Variants in ZBTB8OS observed in about 807,000 individuals in gnomAD.
ZBTB8OS encodes the protein tRNA splicing ligase complex subunit 1.
In ZBTB8OS, 16 loss-of-function variants were observed where a neutral mutation model predicts 29.3. The ratio of observed to expected loss-of-function variants is 0.55; its 90% CI spans 0.37 to 0.83. ZBTB8OS has a LOEUF of 0.83. Among genes scored for constraint, ZBTB8OS ranks in the 40% least tolerant of loss-of-function variants. The pLI is 0.00. For synonymous variants in ZBTB8OS, 70 were observed against 64.6 expected, an observed-to-expected ratio of 1.08 and a Z score of -0.40; for missense variants, 160 against 196.9, an observed-to-expected ratio of 0.81 and a Z score of 1.12.
At chr1:32,636,785 A>G (rs1646001757) in intron 1 of ZBTB8OS, among the ~76,000 whole-genome samples, 2 of 151,962 alleles carry the variant, frequency 1.3e-5, no homozygotes, top group South Asian at 4.1e-4. Flanking sequence ...TGCCTGAGAA[A>G]GAGCATCATG....
chr1:32,650,010 GT>G (rs1266368207), intron 1 of ZBTB8OS, among the ~76,000 whole-genome samples: 2 of 152,164 alleles, frequency 1.3e-5, no homozygotes, highest in South Asian at 4.2e-4. Context: ...GCAAAACCAG[GT>G]TTTTTGCTAA....
chr1:32,647,266 C>CAAAAA (rs71006348), intron 1 of ZBTB8OS, among the ~76,000 whole-genome samples: 3,921 of 133,970 alleles, frequency 0.029, 93 homozygotes, highest in East Asian at 0.11. Flanking sequence ...TACTCTGTCT[C>CAAAAA]AAAAAAAAAA....
chr1:32,645,919 G>A (rs751896639), intron 1 of ZBTB8OS, among the ~76,000 whole-genome samples: 16 of 152,176 alleles, frequency 1.1e-4, no homozygotes, highest in Non-Finnish European at 2.1e-4. Flanking sequence ...CAGGAATACA[G>A]AGATTACATT....
upstream of ZBTB8OS, chr1:32,650,931 C>T (rs926576152): frequency 2.8e-5 from 13 of 470,990 alleles, no homozygotes; most frequent in South Asian, 2.5e-4. Context: ...AAGAAAATGG[C>T]TGCCCTCTTG....
chr1:32,649,633 AACACAC>A (rs962422171), intron 1 of ZBTB8OS, among the ~76,000 whole-genome samples: 1 of 54,120 alleles, frequency 1.8e-5, no homozygotes, highest in East Asian at 8.5e-4. Context: ...CATCTCTAAA[AACACAC>A]ACACACACAC....
chr1:32,634,883 A>G, intron 1 of ZBTB8OS, 91 bp from the exon 2 acceptor site: 1 of 916,150 alleles, frequency 1.1e-6, no homozygotes, highest in Non-Finnish European at 1.8e-6. Flanking sequence ...ATTATTAGGA[A>G]TATCATCTTT....
At chr1:32,631,806 T>C (rs779700868) in intron 5 of ZBTB8OS, 21 bp downstream of exon 5, 3 of 1,557,054 alleles carry the variant, frequency 1.9e-6, no homozygotes, top group Non-Finnish European at 2.6e-6. Flanking sequence ...ACTCGGTACT[T>C]AAAAGACTTT....
intron 4 of ZBTB8OS, chr1:32,633,223 C>T (rs1339581256): frequency 6.5e-6 from 1 of 153,956 alleles, no homozygotes; most frequent in African/African-American, 2.4e-5. Context: ...ACTTGGGAAA[C>T]ATAAAAAGTG....
At chr1:32,623,698 C>T (rs912758945) in intron 6 of ZBTB8OS, among the ~76,000 whole-genome samples, 2 of 152,102 alleles carry the variant, frequency 1.3e-5, no homozygotes, top group African/African-American at 4.8e-5. Context: ...CACCTTCACT[C>T]TCAGCTCCAG....
At chr1:32,631,085 G>A (rs546084146) in intron 5 of ZBTB8OS, among the ~76,000 whole-genome samples, 173 of 152,160 alleles carry the variant, frequency 1.1e-3, no homozygotes, top group African/African-American at 4.0e-3. Flanking sequence ...GCCAGGCACA[G>A]TGGCTCATGC....
chr1:32,648,285 A>G (rs1292229414), intron 1 of ZBTB8OS, among the ~76,000 whole-genome samples: 1 of 152,242 alleles, frequency 6.6e-6, no homozygotes, highest in East Asian at 1.9e-4. Flanking sequence ...ACTCCTATAG[A>G]GAGCAATTTG....
Position 32,633,968 on chromosome 1 carries a change from A to T in ZBTB8OS, c.227T>A (p.Val76Glu), listed in dbSNP as rs1645761736. Residue 76 changes from valine to glutamate, a missense_variant, in exon 3 of 7, where the codon GTA becomes GAA. Transcript: ENST00000468695. ...DTGTVEPLQTVEVETQGDDLQ... is the reference protein window; with the variant it reads ...DTGTVEPLQTEEVETQGDDLQ... ...TCATTTACCTTGGGTTTCTACTTCTACTGTTTGGAGGGGCTCCACTGTCCC... is the reference window on the plus strand; with the variant it reads ...TCATTTACCTTGGGTTTCTACTTCTTCTGTTTGGAGGGGCTCCACTGTCCC... The T allele has an allele frequency of 1.3e-6, 2 of 1,585,162 alleles. No homozygotes were observed. Among genetic ancestry groups the T allele is most frequent in the Non-Finnish European group, 8.5e-7 (1 of 1,172,190 alleles).
intron 6 of ZBTB8OS, among the ~76,000 whole-genome samples, chr1:32,622,367 A>C (rs1302171408): frequency 6.6e-6 from 1 of 152,258 alleles, no homozygotes; most frequent in East Asian, 1.9e-4. Context: ...TGTGACACAC[A>C]TACACCATAG....
intron 4 of ZBTB8OS, 54 bp from the exon 5 acceptor site, chr1:32,631,933 C>T: frequency 1.2e-6 from 1 of 823,434 alleles, no homozygotes; most frequent in Non-Finnish European, 1.7e-6. Context: ...AGACTATCTA[C>T]TAAAAATCTT....
At chr1:32,647,436 C>CA (rs71006349) in intron 1 of ZBTB8OS, among the ~76,000 whole-genome samples, 27 of 121,856 alleles carry the variant, frequency 2.2e-4, no homozygotes, top group African/African-American at 7.4e-4. Context: ...GACTCTGTCT[C>CA]AAAAAAAAAA....
intron 6 of ZBTB8OS, among the ~76,000 whole-genome samples, chr1:32,622,372 C>A (rs1644815827): frequency 6.6e-6 from 1 of 152,178 alleles, no homozygotes; most frequent in Non-Finnish European, 1.5e-5. Context: ...CACACATACA[C>A]CATAGAATAC....
rs1048125025 is a variant in ZBTB8OS, at chr1:32,644,726, T to G, written c.97+5707A>C. Among the ~76,000 whole-genome samples the G allele has an allele frequency of 5.8e-5, 8 of 138,162 alleles. No homozygotes were observed. In the East Asian group the frequency reaches 8.6e-4, roughly 15 times the overall value. The allele number at this position is 138,162 out of a possible 152,430, so 90.6% of individuals were successfully genotyped here. On this transcript the variant is annotated intron_variant, in intron 1 of 6. Transcript: ENST00000468695. ...CAGCTTTTTTTTTTTTTTTTTTTTT[T>G]GTAGAGATGTGTTTCACTGTGTTGC...
At chr1:32,622,156 C>A (rs1046972841) in intron 6 of ZBTB8OS, among the ~76,000 whole-genome samples, 1 of 152,146 alleles carries the variant, frequency 6.6e-6, no homozygotes, top group Non-Finnish European at 1.5e-5. Flanking sequence ...GGAGTTGGGA[C>A]ATGGAACTCT....
chr1:32,623,980 G>A (rs1236035368), intron 6 of ZBTB8OS, among the ~76,000 whole-genome samples: 1 of 152,150 alleles, frequency 6.6e-6, no homozygotes, highest in South Asian at 2.1e-4. Context: ...TAGTGATAGT[G>A]CGTGAGTTTT....
Sources: gnomAD v4.1 joint callset for allele counts (sites outside exome capture counted in the v4.1 genomes callset) on GRCh38, gnomAD v4.1.1 for gene constraint, MANE v1.5 for transcripts, NCBI Gene and HGNC (gene_info 2026-07-23, HGNC 2026-07-21) for gene names.